The following DLGAP2 variants were observed in gnomAD, a reference collection of about 807,000 sequenced individuals.
The protein encoded by DLGAP2 is DLG associated protein 2.
A neutral mutation model predicts 100.3 loss-of-function variants in DLGAP2; 26 were observed. That is an observed-to-expected ratio of 0.26 (90% CI 0.19 to 0.36). DLGAP2 has a LOEUF of 0.36. Ranked by LOEUF, DLGAP2 falls within the 10% of genes least tolerant of loss-of-function variation. The pLI, the probability that DLGAP2 is intolerant of heterozygous loss-of-function variation, is 1.00. For synonymous variants in DLGAP2, 886 were observed against 630.1 expected, an observed-to-expected ratio of 1.41 and a Z score of -6.08; for missense variants, 1,858 against 1,453.2, an observed-to-expected ratio of 1.28 and a Z score of -4.53.
intron 3 of DLGAP2, among the ~76,000 whole-genome samples, chr8:1,409,946 C>A (rs996032979): frequency 6.6e-6 from 1 of 152,212 alleles, no homozygotes; most frequent in African/African-American, 2.4e-5. Flanking sequence ...ATCATATGAT[C>A]CAGTTCCGAA....
At position 1,425,275 on chromosome 8, in the gene DLGAP2, A is replaced by T. The variant is rs565729875; in HGVS notation, c.107-76091A>T. On this transcript the variant is annotated intron_variant, in intron 3 of 14. Coordinates refer to ENST00000637795, the MANE Select transcript of DLGAP2 (RefSeq NM_001346810.2). Reference sequence around the variant, plus strand: ...GTCTGTATTTTAAAGAATATAAAAGACTTAGCCATGCCCATGGTAAATGGG... The same window carrying T: ...GTCTGTATTTTAAAGAATATAAAAGTCTTAGCCATGCCCATGGTAAATGGG... Among the ~76,000 whole-genome samples, 39 of 152,312 alleles carry T rather than the reference A, an allele frequency of 2.6e-4. 1 individual carries two copies. Among genetic ancestry groups the T allele is most frequent in the African/African-American group, 8.4e-4 (35 of 41,570 alleles).
intron 1 of DLGAP2, among the ~76,000 whole-genome samples, chr8:797,178 C>T (rs959185171): frequency 5.3e-5 from 8 of 152,300 alleles, no homozygotes; most frequent in African/African-American, 1.2e-4. Context: ...GAAGACGTCC[C>T]GTCATCTCCG....
chr8:828,325 G>A (rs192616663), intron 1 of DLGAP2, among the ~76,000 whole-genome samples: 2 of 150,226 alleles, frequency 1.3e-5, no homozygotes, highest in Non-Finnish European at 2.9e-5. Flanking sequence ...GGTACGCCCC[G>A]GGGGGGCCAG....
intron 3 of DLGAP2, among the ~76,000 whole-genome samples, chr8:1,354,577 T>TG (rs1487327664): frequency 2.0e-5 from 3 of 152,158 alleles, no homozygotes; most frequent in Non-Finnish European, 4.4e-5. Context: ...ATTAAGATGA[T>TG]GCTGTGGGTG....
At chr8:1,190,706 A>G (rs750636622) in intron 2 of DLGAP2, among the ~76,000 whole-genome samples, 5 of 152,134 alleles carry the variant, frequency 3.3e-5, no homozygotes, top group Non-Finnish European at 7.4e-5. Flanking sequence ...AGAAGAAGAA[A>G]GCCAGGGCCA....
chr8:1,442,014 G>A (rs1259681252), intron 3 of DLGAP2, among the ~76,000 whole-genome samples: 4 of 152,170 alleles, frequency 2.6e-5, no homozygotes, highest in South Asian at 2.1e-4. Flanking sequence ...CAGGAAGAGC[G>A]TGACCAGTTT....
chr8:901,264 C>T (rs978661020), intron 1 of DLGAP2, among the ~76,000 whole-genome samples: 1 of 152,310 alleles, frequency 6.6e-6, no homozygotes, highest in African/African-American at 2.4e-5. Context: ...TGCACTCCAG[C>T]CTGGGCAACA....
chr8:1,218,953 A>G (rs1335403230), intron 2 of DLGAP2, among the ~76,000 whole-genome samples: 3 of 152,080 alleles, frequency 2.0e-5, no homozygotes, highest in Non-Finnish European at 4.4e-5. Flanking sequence ...TAGAAATGCT[A>G]TTAATTTTTG....
rs1318594838 is a variant in DLGAP2, at chr8:863,761, TA to T, written c.19-44150del. ...GCGGATGTGGAGGGAGGGGAACTCT[TA>T]CACGCTGTTGATGGAAATGTAAATT... On this transcript the variant is annotated intron_variant, in intron 1 of 14. Coordinates refer to ENST00000637795, the MANE Select transcript of DLGAP2 (RefSeq NM_001346810.2). 2.0e-5 allele frequency among the ~76,000 whole-genome samples: 3 copies of T among 152,292 alleles called. No individual in the cohort carries two copies. The East Asian group carries it at 5.8e-4, about 29-fold the overall frequency.
At chr8:1,171,782 C>T (rs950518304) in intron 2 of DLGAP2, among the ~76,000 whole-genome samples, 1 of 151,960 alleles carries the variant, frequency 6.6e-6, no homozygotes, top group Admixed American at 6.6e-5. Context: ...TGTGTCTCTG[C>T]ACGTGAGATG....
Position 1,456,382 on chromosome 8 carries a change from G to T in DLGAP2, c.107-44984G>T, listed in dbSNP as rs1798312597. 2.6e-5 allele frequency among the ~76,000 whole-genome samples: 4 copies of T among 152,136 alleles called. No homozygotes were observed. The South Asian group carries it at 8.3e-4, about 32-fold the overall frequency. On this transcript the variant is annotated intron_variant, in intron 3 of 14. Transcript: ENST00000637795. ...TTCTGTCGTCTTCCTGACTAATGGT[G>T]CCGTGTATCTAAACATCAAAGCATT...
intron 2 of DLGAP2, among the ~76,000 whole-genome samples, chr8:1,186,411 G>C (rs1460771458): frequency 7.9e-5 from 12 of 152,222 alleles, no homozygotes. Flanking sequence ...GTGGGGGACA[G>C]TTCCCAGGCC....
intron 3 of DLGAP2, among the ~76,000 whole-genome samples, chr8:1,286,798 A>G (rs1799931152): frequency 6.6e-6 from 1 of 152,232 alleles, no homozygotes; most frequent in African/African-American, 2.4e-5. Context: ...TCTGGATTCA[A>G]CTCAACTCCT....
chr8:1,263,879 A>G (rs571799740), intron 3 of DLGAP2, among the ~76,000 whole-genome samples: 3 of 152,236 alleles, frequency 2.0e-5, no homozygotes, highest in Middle Eastern at 3.4e-3. Flanking sequence ...TCTGATTGCT[A>G]TTTGTGGTTT....
intron 2 of DLGAP2, among the ~76,000 whole-genome samples, chr8:1,226,911 G>A (rs1585168898): frequency 1.3e-5 from 2 of 151,762 alleles, no homozygotes; most frequent in African/African-American, 2.4e-5. Flanking sequence ...ACTTCAGCAG[G>A]AAAGTAGATT....
intron 3 of DLGAP2, among the ~76,000 whole-genome samples, chr8:1,269,005 C>G (rs1309478401): frequency 1.3e-5 from 2 of 152,172 alleles, no homozygotes; most frequent in African/African-American, 2.4e-5. Context: ...TGAGATGAAT[C>G]TTGGAGGGAG....
intron 3 of DLGAP2, among the ~76,000 whole-genome samples, chr8:1,386,452 A>G (rs1218335731): frequency 6.6e-6 from 1 of 152,162 alleles, no homozygotes; most frequent in Non-Finnish European, 1.5e-5. Context: ...TCTTCTCCAG[A>G]GCGGCAGGGA....
chr8:1,242,010 T>C (rs528408126), intron 2 of DLGAP2, among the ~76,000 whole-genome samples: 2 of 152,286 alleles, frequency 1.3e-5, no homozygotes, highest in East Asian at 3.9e-4. Flanking sequence ...CTCCAGGGAA[T>C]GGTACGCAGG....
intron 1 of DLGAP2, among the ~76,000 whole-genome samples, chr8:862,115 G>C (rs969549729): frequency 6.6e-6 from 1 of 152,028 alleles, no homozygotes; most frequent in Non-Finnish European, 1.5e-5. Flanking sequence ...ATGAGTTTAT[G>C]GTGGGGTCTC....
Sources: allele counts gnomAD v4.1 joint callset (sites outside exome capture counted in the v4.1 genomes callset), GRCh38; gene constraint gnomAD v4.1.1; transcripts MANE v1.5; gene names NCBI Gene and HGNC (gene_info 2026-07-23, HGNC 2026-07-21).